The following EXTL3 variants were observed in gnomAD, a reference collection of about 807,000 sequenced individuals.
EXTL3 encodes the protein exostosin-like 3.
A neutral mutation model predicts 69.3 loss-of-function variants in EXTL3; 27 were observed. The ratio of observed to expected loss-of-function variants is 0.39; its 90% CI spans 0.29 to 0.54. EXTL3 has a LOEUF of 0.54. Ranked by LOEUF, EXTL3 falls within the 20% of genes least tolerant of loss-of-function variation. EXTL3 has a pLI of 0.69. For missense variants in EXTL3, 1,003 were observed against 1,231.8 expected, an observed-to-expected ratio of 0.81 and a Z score of 2.78; for synonymous variants, 511 against 499.4, an observed-to-expected ratio of 1.02 and a Z score of -0.31.
At chr8:28,647,192 C>T (rs980496558) in intron 1 of EXTL3, among the ~76,000 whole-genome samples, 5 of 151,692 alleles carry the variant, frequency 3.3e-5, no homozygotes, top group Non-Finnish European at 5.9e-5. Flanking sequence ...ACAACCTCCT[C>T]TTCCTGGGTT....
At chr8:28,612,861 G>A (rs1049209234) in intron 2 of EXTL3, among the ~76,000 whole-genome samples, 11 of 152,140 alleles carry the variant, frequency 7.2e-5, no homozygotes, top group African/African-American at 2.7e-4. Context: ...TAGGATTACA[G>A]TCACACACCA....
intron 1 of EXTL3, among the ~76,000 whole-genome samples, chr8:28,679,436 T>C (rs1297698443): frequency 6.6e-6 from 1 of 152,014 alleles, no homozygotes; most frequent in African/African-American, 2.4e-5. Flanking sequence ...CAGAGCAAGA[T>C]GCTGTCTCAA....
In EXTL3 at chr8:28,623,683, A is replaced by C. The variant is rs1006941498; in HGVS notation, c.-53+873A>C. On this transcript the variant is annotated intron_variant, in intron 1 of 6. Transcript: ENST00000523149. The surrounding 1 kb of genome is among the most constrained non-coding windows in gnomAD (Gnocchi z 4.2). ...TGTAACATAATTCATGTTTTTAAAG[A>C]TATGTTTTTATTTAAAACCTTCCCC... Among the ~76,000 whole-genome samples, 10 of 152,136 alleles carry C rather than the reference A, an allele frequency of 6.6e-5. No individual in the cohort carries two copies. Among genetic ancestry groups the C allele is most frequent in the African/African-American group, 2.4e-4 (10 of 41,404 alleles).
At chr8:28,641,379 A>T (rs563038296) in intron 1 of EXTL3, among the ~76,000 whole-genome samples, 1 of 152,274 alleles carries the variant, frequency 6.6e-6, no homozygotes, top group Non-Finnish European at 1.5e-5. Flanking sequence ...AGCTGTTTCT[A>T]TAAGTTAAGG....
In EXTL3 at chr8:28,752,536, T is replaced by G. The variant is rs1011364299; in HGVS notation, c.*1670T>G. The G allele has an allele frequency of 6.6e-6, 1 of 152,606 alleles. No individual in the cohort carries two copies. The highest frequency in any genetic ancestry group is 1.9e-4 in the East Asian group (1 of 5,194). 9.5% of individuals were successfully genotyped at this position (152,606 alleles called of 1,614,324 possible). ...GTACTGTTTTGAAGCTGGGCTCTTTTGTGTAGCTCCCACCCACCTGTAGGG... is the reference window on the plus strand; with the variant it reads ...GTACTGTTTTGAAGCTGGGCTCTTTGGTGTAGCTCCCACCCACCTGTAGGG... On this transcript the variant is annotated 3_prime_UTR_variant, in exon 7 of 7. Coordinates refer to ENST00000220562, the MANE Select transcript of EXTL3 (RefSeq NM_001440.4).
chr8:28,694,633 A>T (rs529883876), intron 1 of EXTL3, among the ~76,000 whole-genome samples: 7,451 of 152,300 alleles, frequency 0.049, 232 homozygotes, highest in Admixed American at 0.085. Context: ...TTTGTGACAA[A>T]GGACTAATAA....
rs184277069 is a variant in EXTL3, at chr8:28,617,217, G to C, written n.314+9459G>C. ...TGCTACCAACACCCCGTTCCGAGAA[G>C]GCAAGGACACAGAAAGAAGATGGGG... is the stretch of plus-strand genomic sequence containing the variant. On this transcript the variant is annotated intron_variant and non_coding_transcript_variant, in intron 2 of 4. Transcript: ENST00000522725. 1.3e-3 allele frequency among the ~76,000 whole-genome samples: 204 copies of C among 152,230 alleles called. 1 individual carries two copies. The highest frequency in any genetic ancestry group is 4.7e-3 in the African/African-American group (196 of 41,544).
chr8:28,658,222 A>G (rs1807045963), intron 1 of EXTL3, among the ~76,000 whole-genome samples: 2 of 152,112 alleles, frequency 1.3e-5, no homozygotes, highest in South Asian at 4.1e-4. Context: ...TCCCTCAGAA[A>G]CCAACTTCCT....
At chr8:28,703,339 G>A (rs1468411453) in intron 1 of EXTL3, among the ~76,000 whole-genome samples, 2 of 152,180 alleles carry the variant, frequency 1.3e-5, no homozygotes. Flanking sequence ...GTGTGTAGTT[G>A]GGATCTTTCA....
At chr8:28,713,618 G>A (rs942008639) in intron 2 of EXTL3, 68 bp downstream of exon 2, 47 of 686,244 alleles carry the variant, frequency 6.8e-5, no homozygotes, top group Non-Finnish European at 1.2e-4. Context: ...CCATTCTGTT[G>A]TTTCTTTGTT....
intron 2 of EXTL3, among the ~76,000 whole-genome samples, chr8:28,609,448 A>G (rs1806243892): frequency 6.6e-6 from 1 of 151,854 alleles, no homozygotes. Context: ...AAAAAAAAGA[A>G]ATCTAGGGAA....
At chr8:28,682,295 G>A (rs1378067703) in intron 1 of EXTL3, among the ~76,000 whole-genome samples, 1 of 152,056 alleles carries the variant, frequency 6.6e-6, no homozygotes, top group African/African-American at 2.4e-5. Flanking sequence ...TTTAAATTGG[G>A]TTATTAGTTT....
intron 1 of EXTL3, among the ~76,000 whole-genome samples, chr8:28,670,034 C>T (rs1211159489): frequency 6.6e-6 from 1 of 151,984 alleles, no homozygotes; most frequent in Non-Finnish European, 1.5e-5. Flanking sequence ...CATGGCAAAA[C>T]CCCGTCTCGA....
intron 1 of EXTL3, chr8:28,637,367 C>G (rs188133048): frequency 2.0e-5 from 3 of 152,262 alleles, no homozygotes; most frequent in Non-Finnish European, 4.4e-5. Context: ...AGAGCCAGCC[C>G]GCTACTTTAT....
chr8:28,723,897 C>T (rs1585280478), intron 3 of EXTL3, among the ~76,000 whole-genome samples: 1 of 152,138 alleles, frequency 6.6e-6, no homozygotes, highest in East Asian at 1.9e-4. Flanking sequence ...CCATTTCTGC[C>T]TCCCAAAGTA....
Position 28,717,416 on chromosome 8 carries a change from G to A in EXTL3, c.1357G>A (p.Glu453Lys), listed in dbSNP as rs1801183177. 1 of 1,614,156 alleles carries A rather than the reference G, an allele frequency of 6.2e-7. No individual in the cohort carries two copies. Among genetic ancestry groups the A allele is most frequent in the Non-Finnish European group, 8.5e-7 (1 of 1,180,024 alleles). The change falls in exon 3 of 7, where the codon GAA becomes AAA. Residue 453 changes from glutamate to lysine, a missense_variant. Physicochemically the swap from Glu to Lys is moderately conservative, Grantham distance 56. Coordinates refer to ENST00000220562, the MANE Select transcript of EXTL3 (RefSeq NM_001440.4). The surrounding 1 kb of genome is among the most constrained non-coding windows in gnomAD (Gnocchi z 8.3). Reference protein sequence around the residue: ...ISSGCATRLFEALEVGAVPVV... With the variant: ...ISSGCATRLFKALEVGAVPVV... Reference sequence around the variant, plus strand: ...CTCTGGGTGTGCAACACGGCTCTTCGAAGCCCTGGAAGTCGGTGCCGTCCC... The same window carrying A: ...CTCTGGGTGTGCAACACGGCTCTTCAAAGCCCTGGAAGTCGGTGCCGTCCC...
chr8:28,699,845 G>C (rs529294405), upstream of EXTL3: 11 of 143,432 alleles, frequency 7.7e-5, 1 homozygote, highest in African/African-American at 2.5e-4. Context: ...TCAAAGTTAA[G>C]GGCAGCAATG....
chr8:28,651,152 T>C (rs1806912853), intron 1 of EXTL3, among the ~76,000 whole-genome samples: 2 of 152,222 alleles, frequency 1.3e-5, no homozygotes, highest in South Asian at 4.1e-4. Flanking sequence ...TTGAGTGCCA[T>C]GTCGTTGCTC....
At chr8:28,670,188 A>C (rs995527106) in intron 1 of EXTL3, among the ~76,000 whole-genome samples, 41 of 125,176 alleles carry the variant, frequency 3.3e-4, no homozygotes, top group Non-Finnish European at 2.7e-4. Flanking sequence ...CAGCTTAGGC[A>C]GCAGAGTGAG....
Sources: allele counts gnomAD v4.1 joint callset (sites outside exome capture counted in the v4.1 genomes callset), GRCh38; gene constraint gnomAD v4.1.1; non-coding constraint Gnocchi (gnomAD v3.1); transcripts MANE v1.5; gene names NCBI Gene and HGNC (gene_info 2026-07-23, HGNC 2026-07-21).